Variants in FBXO34 observed in about 807,000 individuals in gnomAD.
FBXO34 encodes the protein F-box only protein 34.
FBXO34 carries 12 observed loss-of-function variants against 24.5 expected under a neutral mutation model. The observed-to-expected ratio is 0.49, with a 90% CI of 0.31 to 0.79. FBXO34 has a LOEUF of 0.79. FBXO34 is among the 30% of genes least tolerant of loss of function. The pLI, the probability that FBXO34 is intolerant of heterozygous loss-of-function variation, is 0.04. For missense variants in FBXO34, 823 were observed against 857.7 expected (o/e 0.96, Z 0.51); for synonymous variants, 320 against 311.9 (o/e 1.03, Z -0.27).
exon 3 of FBXO34, chr14:55,367,953 ATG>A (rs1884719546): frequency 1.3e-5 from 2 of 151,438 alleles, no homozygotes; most frequent in African/African-American, 5.0e-5. Flanking sequence ...AATTATTATG[ATG>A]AGAAAAGAAG....
At chr14:55,408,281 T>C in the FBXO34 span, among the ~76,000 whole-genome samples, 1 of 152,006 alleles carries the variant, frequency 6.6e-6, no homozygotes, top group Non-Finnish European at 1.5e-5. Flanking sequence ...GGCAAAACCC[T>C]GTCTTTACAA....
intron 1 of FBXO34, among the ~76,000 whole-genome samples, chr14:55,284,265 G>A (rs550457985): frequency 6.6e-5 from 10 of 152,154 alleles, no homozygotes; most frequent in Non-Finnish European, 1.3e-4. Flanking sequence ...TGCAGTCCCA[G>A]CACTTTGGAA....
the FBXO34 span, chr14:55,414,296 AAACGTAGAAGAATCC>A: frequency 9.4e-7 from 1 of 1,058,456 alleles, no homozygotes; most frequent in Non-Finnish European, 1.4e-6. Context: ...ATCTACAATT[AAACGTAGAAGAATCC>A]AGCTGTTTCT....
chr14:55,317,820 G>A (rs1882986580), intron 1 of FBXO34, among the ~76,000 whole-genome samples: 1 of 152,122 alleles, frequency 6.6e-6, no homozygotes, highest in South Asian at 2.1e-4. Context: ...CACTTAAACT[G>A]TCCCACCTTA....
At chr14:55,284,856 TCCTC>T (rs1400276519) in intron 1 of FBXO34, among the ~76,000 whole-genome samples, 2 of 149,710 alleles carry the variant, frequency 1.3e-5, no homozygotes, top group Non-Finnish European at 1.5e-5. Context: ...ACTCAAGTGA[TCCTC>T]CCTCCTCAGC....
At chr14:55,278,573 C>T (rs1170303051) in intron 1 of FBXO34, among the ~76,000 whole-genome samples, 1 of 152,158 alleles carries the variant, frequency 6.6e-6, no homozygotes, top group Non-Finnish European at 1.5e-5. Flanking sequence ...TGTTGCAGCT[C>T]AAGCCCTACA....
intron 1 of FBXO34, among the ~76,000 whole-genome samples, chr14:55,317,480 CAAAAAA>C (rs751787937): frequency 6.7e-6 from 1 of 149,676 alleles, no homozygotes; most frequent in African/African-American, 2.5e-5. Flanking sequence ...GACCCTGTCT[CAAAAAA>C]AACAAAAACA....
intron 1 of FBXO34, among the ~76,000 whole-genome samples, chr14:55,289,073 T>A (rs1441013960): frequency 6.6e-6 from 1 of 152,006 alleles, no homozygotes; most frequent in Non-Finnish European, 1.5e-5. Flanking sequence ...AAAGTATATG[T>A]AATATATATT....
chr14:55,341,913 C>G (rs1053186759), intron 1 of FBXO34, among the ~76,000 whole-genome samples: 2 of 152,198 alleles, frequency 1.3e-5, no homozygotes, highest in Admixed American at 1.3e-4. Context: ...ACAGCTTAAG[C>G]AGAAGTTCTT....
At chr14:55,366,298 G>C (rs918061879), downstream of FBXO34, 9 of 152,656 alleles carry the variant, frequency 5.9e-5, no homozygotes, top group Non-Finnish European at 1.2e-4. Flanking sequence ...TCTATAATTT[G>C]TATAAAGTAC....
At chr14:55,275,546 G>A (rs1881305563) in intron 1 of FBXO34, among the ~76,000 whole-genome samples, 1 of 151,892 alleles carries the variant, frequency 6.6e-6, no homozygotes, top group South Asian at 2.1e-4. Flanking sequence ...CGGGTGCAGT[G>A]GCTCATGCCT....
At chr14:55,436,031 C>A in the FBXO34 span, 1 of 696,212 alleles carries the variant, frequency 1.4e-6, no homozygotes. Context: ...TATACCTTAG[C>A]AATTTCCTAG....
intron 1 of FBXO34, among the ~76,000 whole-genome samples, chr14:55,350,125 C>T (rs1248276959): frequency 6.9e-6 from 1 of 144,830 alleles, no homozygotes; most frequent in African/African-American, 2.6e-5. Context: ...AAGTCAGTTT[C>T]TGAAGTTCTT....
intron 1 of FBXO34, among the ~76,000 whole-genome samples, chr14:55,311,515 C>T (rs759000918): frequency 6.6e-6 from 1 of 152,160 alleles, no homozygotes; most frequent in South Asian, 2.1e-4. Flanking sequence ...AAGTCCAAGT[C>T]CAAAGTGTCA....
Position 55,351,860 on chromosome 14 carries a change from C to T in FBXO34, c.1470C>T (p.His490=). 1.2e-6 allele frequency: 2 copies of T among 1,614,162 alleles called. No individual in the cohort carries two copies. The highest frequency in any genetic ancestry group is 1.7e-6 in the Non-Finnish European group (2 of 1,180,030). ...TGTTTTTTTTGCCACCTGGTCAGCACTTGTCAGACTATTCCCAGTTGAATG... is the reference window on the plus strand; with the variant it reads ...TGTTTTTTTTGCCACCTGGTCAGCATTTGTCAGACTATTCCCAGTTGAATG... ...GMLFFLPPGQ[H]LSDYSQLNES... Residue 490 remains histidine, a synonymous_variant, in exon 2 of 2, where the codon CAC becomes CAT. Transcript: ENST00000313833.
At chr14:55,330,159 C>T (rs1261406598) in intron 1 of FBXO34, among the ~76,000 whole-genome samples, 2 of 152,174 alleles carry the variant, frequency 1.3e-5, no homozygotes, top group African/African-American at 4.8e-5. Flanking sequence ...TGCTAACAAA[C>T]AGCGACTTAA....
At chr14:55,373,786 G>A (rs1383636017), downstream of FBXO34, among the ~76,000 whole-genome samples, 2 of 146,278 alleles carry the variant, frequency 1.4e-5, no homozygotes, top group African/African-American at 2.6e-5. Flanking sequence ...TAATTTTTCT[G>A]TAAGTTTAAA....
intron 1 of FBXO34, among the ~76,000 whole-genome samples, chr14:55,296,784 A>G (rs1323670758): frequency 6.6e-6 from 1 of 152,160 alleles, no homozygotes; most frequent in Non-Finnish European, 1.5e-5. Context: ...TACTATAGAA[A>G]GCAATTTTTA....
chr14:55,296,398 T>TTG (rs1386528190), intron 1 of FBXO34, among the ~76,000 whole-genome samples: 1 of 118,124 alleles, frequency 8.5e-6, no homozygotes, highest in African/African-American at 3.0e-5. Context: ...TTTGTTTTTT[T>TTG]TTTTTTTTTT....
Sources: allele counts gnomAD v4.1 joint callset (sites outside exome capture counted in the v4.1 genomes callset), GRCh38; gene constraint gnomAD v4.1.1; transcripts MANE v1.5; gene names NCBI Gene and HGNC (gene_info 2026-07-23, HGNC 2026-07-21).